Variants in RAB40B observed in about 807,000 individuals in gnomAD.
The protein encoded by RAB40B is ras-related protein Rab-40B.
A neutral mutation model predicts 24.0 loss-of-function variants in RAB40B; 21 were observed. The observed-to-expected ratio is 0.88, with a 90% CI of 0.62 to 1.26. The LOEUF is 1.26. Ranked by LOEUF, RAB40B falls within the 50% of genes most tolerant of loss-of-function variation. RAB40B has a pLI of 0.00. For synonymous variants in RAB40B, 167 were observed against 169.8 expected, an observed-to-expected ratio of 0.98 and a Z score of 0.13; for missense variants, 348 against 390.5, an observed-to-expected ratio of 0.89 and a Z score of 0.92.
chr17:82,661,410 G>A, intron 2 of RAB40B: 1 of 412,696 alleles, frequency 2.4e-6, no homozygotes, highest in Non-Finnish European at 3.4e-6. Flanking sequence ...AGAGGCCGGT[G>A]GGATCCCTGC....
intron 5 of RAB40B, 142 bp from the exon 6 acceptor site, chr17:82,658,276 G>C (rs534805417): frequency 2.5e-6 from 3 of 1,221,888 alleles, no homozygotes; most frequent in Non-Finnish European, 3.4e-6. Flanking sequence ...AAGCCCTGCC[G>C]CGACGTCCCC....
intron 1 of RAB40B, among the ~76,000 whole-genome samples, chr17:82,673,275 T>TTA (rs2046358867): frequency 6.6e-6 from 1 of 152,238 alleles, no homozygotes; most frequent in African/African-American, 2.4e-5. Context: ...TCTGCATTTA[T>TTA]TACTAATTCA....
Position 82,664,166 on chromosome 17 carries a change from C to T in RAB40B, c.203+330G>A, listed in dbSNP as rs1366449288. Among the ~76,000 whole-genome samples, 4 of 107,360 alleles carry T rather than the reference C, an allele frequency of 3.7e-5. No individual in the cohort carries two copies. The East Asian group carries it at 8.2e-4, about 22-fold the overall frequency. The allele number at this position is 107,360 out of a possible 152,430, so 70.4% of individuals were successfully genotyped here. A position where few individuals can be genotyped will look rare whatever the true frequency, so the allele number is the denominator to read the frequency against. ...ATGGTGGTGGTGGGAGGGTGTTCCC[C>T]GGGGGCGCTGTGCCGACGGTGGTGG... is the stretch of plus-strand genomic sequence containing the variant. On this transcript the variant is annotated intron_variant, in intron 2 of 5. Coordinates refer to ENST00000571995, the MANE Select transcript of RAB40B (RefSeq NM_006822.3).
Position 82,656,453 on chromosome 17 carries a change from C to T in RAB40B, c.*1410G>A, listed in dbSNP as rs1021735236. The T allele has an allele frequency of 6.6e-6, 1 of 152,184 alleles. No individual in the cohort carries two copies. The highest frequency in any genetic ancestry group is 6.6e-5 in the Admixed American group (1 of 15,264). The allele number at this position is 152,184 out of a possible 1,614,324, so 9.4% of individuals were successfully genotyped here. A position where few individuals can be genotyped will look rare whatever the true frequency, so the allele number is the denominator to read the frequency against. ...AGGCAGTCGGGGTCAGGGGCTACATCTTCATGCGGAATTCCTGACAGCCCC... is the reference window on the plus strand; with the variant it reads ...AGGCAGTCGGGGTCAGGGGCTACATTTTCATGCGGAATTCCTGACAGCCCC... On this transcript the variant is annotated 3_prime_UTR_variant, in exon 6 of 6. Coordinates refer to ENST00000571995, the MANE Select transcript of RAB40B (RefSeq NM_006822.3).
chr17:82,661,145 G>A (rs1016662605), intron 2 of RAB40B, 98 bp from the exon 3 acceptor site: 52 of 1,519,830 alleles, frequency 3.4e-5, no homozygotes, highest in Admixed American at 2.3e-4. Context: ...CCACACACCC[G>A]CCAGTCAGCA....
chr17:82,659,751 C>T, intron 3 of RAB40B, 94 bp from the exon 4 acceptor site: 2 of 960,358 alleles, frequency 2.1e-6, no homozygotes, highest in South Asian at 2.8e-5. Flanking sequence ...TAACCACTTT[C>T]CTTATTTTAA....
intron 1 of RAB40B, among the ~76,000 whole-genome samples, chr17:82,691,963 G>A (rs2046562885): frequency 6.6e-6 from 1 of 152,228 alleles, no homozygotes; most frequent in African/African-American, 2.4e-5. Flanking sequence ...GAGGTGTGTT[G>A]CAGAACAGAA....
chr17:82,685,806 CTT>C (rs36094405), intron 1 of RAB40B, among the ~76,000 whole-genome samples: 207 of 136,930 alleles, frequency 1.5e-3, no homozygotes, highest in Admixed American at 2.1e-3. Flanking sequence ...TCTTCTTCTT[CTT>C]TTTTTTTTTT....
intron 1 of RAB40B, among the ~76,000 whole-genome samples, chr17:82,665,229 A>C (rs1568033012): frequency 2.0e-5 from 3 of 149,138 alleles, no homozygotes; most frequent in African/African-American, 4.9e-5. Flanking sequence ...AAACAAACAA[A>C]AAAAAAACCC....
At chr17:82,662,923 C>T (rs73357159) in intron 2 of RAB40B, among the ~76,000 whole-genome samples, 21,800 of 151,266 alleles carry the variant, frequency 0.14, 1,668 homozygotes, top group South Asian at 0.24. Context: ...GGCGTGGGGC[C>T]GAGTGCGGCC....
chr17:82,668,627 G>T (rs1217688530), intron 1 of RAB40B, among the ~76,000 whole-genome samples: 2 of 152,264 alleles, frequency 1.3e-5, no homozygotes, highest in African/African-American at 4.8e-5. Flanking sequence ...GCAGCACCTG[G>T]GCTCAGCCCC....
At chr17:82,672,282 AACACACAAACTCACAC>A (rs2046348621) in intron 1 of RAB40B, among the ~76,000 whole-genome samples, 1 of 107,928 alleles carries the variant, frequency 9.3e-6, no homozygotes, top group African/African-American at 3.2e-5. Flanking sequence ...CCGTAACTCT[AACACACAAACTCACAC>A]GCTCCCTGTA....
Position 82,659,665 on chromosome 17 carries a change from A to G in RAB40B, c.265-8T>C. The G allele has an allele frequency of 6.2e-7, 1 of 1,613,760 alleles. No homozygotes were observed. Among genetic ancestry groups the G allele is most frequent in the Non-Finnish European group, 8.5e-7 (1 of 1,179,670 alleles). On this transcript the variant is annotated splice_region_variant and splice_polypyrimidine_tract_variant and intron_variant, in intron 3 of 5. Transcript: ENST00000571995. ...ATAGACCAGGATCACACCCTGGGGG[A>G]GAGGTCACAGGCTCAGCACGCAGAA...
chr17:82,659,572 C>T lies in RAB40B; in HGVS notation c.342+8G>A, dbSNP rs754118602. 3 of 1,613,958 alleles carry T rather than the reference C, an allele frequency of 1.9e-6. No individual in the cohort carries two copies. The highest frequency in any genetic ancestry group is 1.1e-5 in the South Asian group (1 of 91,080). On this transcript the variant is annotated splice_region_variant and intron_variant, in intron 4 of 5. Coordinates refer to ENST00000571995, the MANE Select transcript of RAB40B (RefSeq NM_006822.3). ...GGGATCTTGGGCAGTGGCATTTCTA[C>T]AACATACCTCATCGATCTCCTTAAT...
intron 1 of RAB40B, among the ~76,000 whole-genome samples, chr17:82,691,827 C>T (rs1004023199): frequency 7.2e-5 from 11 of 152,178 alleles, no homozygotes; most frequent in African/African-American, 2.2e-4. Flanking sequence ...AGCCTGGTGA[C>T]GCCTTCCTTC....
chr17:82,696,849 A>G (rs1258464340), intron 1 of RAB40B: 1 of 157,114 alleles, frequency 6.4e-6, no homozygotes, highest in Non-Finnish European at 1.4e-5. Context: ...CGACATCCGA[A>G]CTATCTAGAA....
intron 1 of RAB40B, among the ~76,000 whole-genome samples, chr17:82,686,340 G>A (rs1225837339): frequency 6.6e-6 from 1 of 151,756 alleles, no homozygotes; most frequent in Non-Finnish European, 1.5e-5. Flanking sequence ...TCGAACTCCT[G>A]ACCTCAAGTG....
rs540443627 is a variant in RAB40B at position 82,668,852 on chromosome 17, C to T, written c.143-4296G>A. Among the ~76,000 whole-genome samples, 3 of 152,362 alleles carry T rather than the reference C, an allele frequency of 2.0e-5. No homozygotes were observed. In the East Asian group the frequency reaches 5.8e-4, roughly 29 times the overall value. On this transcript the variant is annotated intron_variant, in intron 1 of 5. Transcript: ENST00000571995. Reference sequence around the variant, plus strand: ...CCGTGGATCGAGAGGCCCAGCCATGCCTCCGCTGCAGCCGGCATCTTGGCA... The same window carrying T: ...CCGTGGATCGAGAGGCCCAGCCATGTCTCCGCTGCAGCCGGCATCTTGGCA...
intron 3 of RAB40B, among the ~76,000 whole-genome samples, chr17:82,660,142 C>A (rs1277479270): frequency 6.6e-6 from 1 of 151,810 alleles, no homozygotes. Flanking sequence ...CACGTGTACT[C>A]ATGCACAGAC....
Sources: gnomAD v4.1 joint callset for allele counts (sites outside exome capture counted in the v4.1 genomes callset) on GRCh38, gnomAD v4.1.1 for gene constraint, MANE v1.5 for transcripts, NCBI Gene and HGNC (gene_info 2026-07-23, HGNC 2026-07-21) for gene names.